COMMD10: variants seen among roughly 807,000 people sequenced by gnomAD.
COMMD10 encodes COMM domain-containing protein 10.
COMMD10 carries 33 observed loss-of-function variants against 28.9 expected under a neutral mutation model. The observed-to-expected ratio is 1.14, with a 90% confidence interval of 0.87 to 1.53. COMMD10 has a LOEUF of 1.53. COMMD10 is among the 40% of genes most tolerant of loss of function. The pLI is 0.00. For synonymous variants in COMMD10, 110 were observed against 81.7 expected (o/e 1.35, Z -1.87); for missense variants, 310 against 233.4 (o/e 1.33, Z -2.14).
chr5:116,121,834 T>G (rs536091147), intron 4 of COMMD10, among the ~76,000 whole-genome samples: 1 of 152,212 alleles, frequency 6.6e-6, no homozygotes, highest in African/African-American at 2.4e-5. Context: ...GGGTTATTTG[T>G]TTTTTTCTTG....
intron 6 of COMMD10, 75 bp from the exon 7 acceptor site, chr5:116,292,376 T>C (rs1751387215): frequency 3.3e-6 from 3 of 912,642 alleles, no homozygotes; most frequent in East Asian, 2.8e-5. Context: ...TCTATTTGCA[T>C]GTGTCTGAAT....
intron 5 of COMMD10, among the ~76,000 whole-genome samples, chr5:116,218,779 C>T (rs1234149111): frequency 6.6e-6 from 1 of 152,080 alleles, no homozygotes; most frequent in African/African-American, 2.4e-5. Context: ...GTAGTAAGGG[C>T]TCCAAAAGAA....
At chr5:116,238,622 A>C (rs979956031) in intron 5 of COMMD10, among the ~76,000 whole-genome samples, 1 of 152,194 alleles carries the variant, frequency 6.6e-6, no homozygotes, top group East Asian at 1.9e-4. Context: ...AAATTAAAAA[A>C]TATGTAGGCT....
intron 5 of COMMD10, among the ~76,000 whole-genome samples, chr5:116,278,954 A>G (rs961441247): frequency 6.6e-6 from 1 of 151,848 alleles, no homozygotes; most frequent in Non-Finnish European, 1.5e-5. Flanking sequence ...GACAAAATCC[A>G]CTTATTCTGA....
intron 5 of COMMD10, among the ~76,000 whole-genome samples, chr5:116,172,239 G>A (rs370077145): frequency 6.6e-6 from 1 of 152,184 alleles, no homozygotes; most frequent in East Asian, 1.9e-4. Flanking sequence ...GCTGGAGGGA[G>A]GTGTGAGAGG....
intron 5 of COMMD10, among the ~76,000 whole-genome samples, chr5:116,210,911 T>C (rs1748947168): frequency 6.6e-6 from 1 of 152,084 alleles, no homozygotes; most frequent in South Asian, 2.1e-4. Flanking sequence ...CCTATTATTA[T>C]TCCTCTAGAA....
intron 5 of COMMD10, among the ~76,000 whole-genome samples, chr5:116,213,647 C>T (rs1479904642): frequency 6.6e-6 from 1 of 152,154 alleles, no homozygotes; most frequent in African/African-American, 2.4e-5. Flanking sequence ...CATTGAGTTA[C>T]CATTTGCCAT....
chr5:116,174,159 A>AGATAG (rs1262928127), intron 5 of COMMD10, among the ~76,000 whole-genome samples: 1 of 151,946 alleles, frequency 6.6e-6, no homozygotes, highest in Non-Finnish European at 1.5e-5. Flanking sequence ...CTTCCTGATA[A>AGATAG]TACCTAACTG....
intron 5 of COMMD10, among the ~76,000 whole-genome samples, chr5:116,246,677 T>C (rs1402561084): frequency 6.6e-6 from 1 of 152,044 alleles, no homozygotes; most frequent in Non-Finnish European, 1.5e-5. Context: ...AACCCAGATA[T>C]AAGGCCATAT....
chr5:116,287,299 G>A (rs1345638195), intron 5 of COMMD10, among the ~76,000 whole-genome samples: 6 of 151,534 alleles, frequency 4.0e-5, no homozygotes, highest in Non-Finnish European at 7.4e-5. Context: ...TATTTTCCTG[G>A]TAAATTGACC....
chr5:116,125,997 T>C (rs868162721), intron 4 of COMMD10, among the ~76,000 whole-genome samples: 8 of 152,304 alleles, frequency 5.3e-5, no homozygotes, highest in African/African-American at 1.4e-4. Context: ...TTTCCCTGTT[T>C]GCAGATGAGA....
At chr5:116,170,914 A>T (rs988650840) in intron 5 of COMMD10, among the ~76,000 whole-genome samples, 2 of 152,206 alleles carry the variant, frequency 1.3e-5, no homozygotes, top group Non-Finnish European at 2.9e-5. Flanking sequence ...GCCATTCAAG[A>T]CATAGGCATG....
At chr5:116,117,813 G>A (rs957308094) in intron 4 of COMMD10, among the ~76,000 whole-genome samples, 5 of 152,184 alleles carry the variant, frequency 3.3e-5, no homozygotes, top group East Asian at 1.9e-4. Context: ...TTAAAAAAAC[G>A]TTTTGTATAG....
intron 5 of COMMD10, among the ~76,000 whole-genome samples, chr5:116,234,928 G>A (rs761317406): frequency 6.6e-6 from 1 of 152,062 alleles, no homozygotes; most frequent in Non-Finnish European, 1.5e-5. Context: ...GAAAAGAGTT[G>A]GATAAGAGCA....
intron 5 of COMMD10, among the ~76,000 whole-genome samples, chr5:116,180,767 G>A (rs377020493): frequency 2.0e-5 from 3 of 151,840 alleles, no homozygotes; most frequent in African/African-American, 7.3e-5. Flanking sequence ...TAGGGGGATC[G>A]CATATATTGT....
chr5:116,116,519 T>C lies in COMMD10; in HGVS notation c.400-17549T>C, dbSNP rs569876860. 5.9e-5 allele frequency among the ~76,000 whole-genome samples: 9 copies of C among 152,340 alleles called. No individual in the cohort carries two copies. In the East Asian group the frequency reaches 1.7e-3, roughly 29 times the overall value. On this transcript the variant is annotated intron_variant, in intron 4 of 6. Transcript: ENST00000274458. ...TTTGTTTATAGCAAGGGTATTTTGT[T>C]GTAATTATATTCACATGCAATTCAA...
chr5:116,114,710 G>A (rs1030693937), intron 4 of COMMD10, among the ~76,000 whole-genome samples: 3 of 152,216 alleles, frequency 2.0e-5, no homozygotes, highest in Admixed American at 2.0e-4. Flanking sequence ...GGGGCTACTG[G>A]TCCCAGTGGT....
intron 5 of COMMD10, among the ~76,000 whole-genome samples, chr5:116,221,660 G>A (rs1166015533): frequency 6.6e-6 from 1 of 152,172 alleles, no homozygotes; most frequent in Non-Finnish European, 1.5e-5. Flanking sequence ...GTAGATACCT[G>A]CATCTCCTCA....
At chr5:116,138,683 C>G (rs942680662) in intron 5 of COMMD10, among the ~76,000 whole-genome samples, 1 of 151,128 alleles carries the variant, frequency 6.6e-6, no homozygotes, top group Non-Finnish European at 1.5e-5. Context: ...TTTTATTTAT[C>G]TTAATGTTAA....
Sources: allele counts gnomAD v4.1 joint callset (sites outside exome capture counted in the v4.1 genomes callset), GRCh38; gene constraint gnomAD v4.1.1; transcripts MANE v1.5; gene names NCBI Gene and HGNC (gene_info 2026-07-23, HGNC 2026-07-21).